The following RHBDD1 variants were observed in gnomAD, a reference collection of about 807,000 sequenced individuals.
The protein encoded by RHBDD1 is rhomboid domain containing 1.
RHBDD1 carries 38 observed loss-of-function variants against 36.3 expected under a neutral mutation model. The ratio of observed to expected loss-of-function variants is 1.05; its 90% CI spans 0.81 to 1.37. The LOEUF is 1.37. RHBDD1 is among the 40% of genes most tolerant of loss of function. The pLI is 0.00. For missense variants in RHBDD1, 393 were observed against 377.6 expected (o/e 1.04, Z -0.34); for synonymous variants, 151 against 136.5 (o/e 1.11, Z -0.74).
chr2:226,909,738 C>G (rs1392107182), intron 7 of RHBDD1, among the ~76,000 whole-genome samples: 1 of 151,982 alleles, frequency 6.6e-6, no homozygotes, highest in Admixed American at 6.6e-5. Flanking sequence ...AGGGTCGTCA[C>G]CAGAACTGAC....
chr2:226,802,182 A>G, the RHBDD1 span, among the ~76,000 whole-genome samples: 2 of 152,198 alleles, frequency 1.3e-5, no homozygotes, highest in Non-Finnish European at 2.9e-5. Context: ...TATGATAATA[A>G]ACCTTTTAAA....
At chr2:226,946,691 T>A (rs1381542493) in intron 8 of RHBDD1, among the ~76,000 whole-genome samples, 1 of 152,116 alleles carries the variant, frequency 6.6e-6, no homozygotes, top group Non-Finnish European at 1.5e-5. Context: ...CAGACTACTA[T>A]CAGAAACTAC....
intron 5 of RHBDD1, among the ~76,000 whole-genome samples, chr2:226,888,808 AT>A (rs1199853870): frequency 3.9e-5 from 6 of 152,148 alleles, no homozygotes; most frequent in Non-Finnish European, 7.4e-5. Flanking sequence ...TCAATCAGGT[AT>A]TTTACATGAA....
At chr2:226,886,575 A>G (rs997801425) in intron 5 of RHBDD1, among the ~76,000 whole-genome samples, 2 of 152,208 alleles carry the variant, frequency 1.3e-5, no homozygotes, top group African/African-American at 2.4e-5. Flanking sequence ...CACAAAGATG[A>G]CAAGATTAGG....
intron 3 of RHBDD1, among the ~76,000 whole-genome samples, chr2:226,849,325 C>G (rs566364192): frequency 7.9e-4 from 120 of 152,368 alleles, no homozygotes; most frequent in African/African-American, 2.8e-3. Flanking sequence ...TCCCTGGTGA[C>G]ATCCTACTGG....
At position 226,995,784 on chromosome 2, in the gene RHBDD1, T is replaced by A. The variant is rs1349269724; in HGVS notation, c.*262T>A. The A allele has an allele frequency of 2.1e-6, 1 of 474,554 alleles. No individual in the cohort carries two copies. The highest frequency in any genetic ancestry group is 3.7e-6 in the Non-Finnish European group (1 of 269,546). The allele number at this position is 474,554 out of a possible 1,614,324, so 29.4% of individuals were successfully genotyped here. ...GAAGAGACCAGTTTCCACGCTCCCA[T>A]CTCTCACTGCTGACTCAGCGATGCC... On this transcript the variant is annotated 3_prime_UTR_variant, in exon 9 of 9. Coordinates refer to ENST00000392062, the MANE Select transcript of RHBDD1 (RefSeq NM_001167608.3).
intron 8 of RHBDD1, among the ~76,000 whole-genome samples, chr2:226,942,238 C>T (rs1950706931): frequency 7.5e-6 from 1 of 133,744 alleles, no homozygotes; most frequent in African/African-American, 2.9e-5. Flanking sequence ...CTGTCGTGAT[C>T]ATCTTTTTTT....
chr2:226,974,859 C>T lies in RHBDD1; in HGVS notation c.857-20572C>T, dbSNP rs114210972. ...AGATCACTCTTTTCAGGTACCTCGC[C>T]AGTGCGTGGCTCAGGGACATCCTGG... On this transcript the variant is annotated intron_variant, in intron 8 of 8. Coordinates refer to ENST00000392062, the MANE Select transcript of RHBDD1 (RefSeq NM_001167608.3). Among the ~76,000 whole-genome samples, 226 of 152,250 alleles carry T rather than the reference C, an allele frequency of 1.5e-3. 1 individual carries two copies. The highest frequency in any genetic ancestry group is 6.8e-3 in the Middle Eastern group (2 of 294).
intron 8 of RHBDD1, among the ~76,000 whole-genome samples, chr2:226,914,861 A>G (rs1200024505): frequency 6.6e-6 from 1 of 152,164 alleles, no homozygotes; most frequent in Non-Finnish European, 1.5e-5. Context: ...AGATTCTTTT[A>G]TAAACCGATA....
intron 4 of RHBDD1, among the ~76,000 whole-genome samples, chr2:226,866,397 T>C (rs569589147): frequency 6.6e-6 from 1 of 152,238 alleles, no homozygotes; most frequent in South Asian, 2.1e-4. Flanking sequence ...TTTTTATTTG[T>C]AGTTTTTTTT....
intron 5 of RHBDD1, among the ~76,000 whole-genome samples, chr2:226,875,417 TG>T (rs1553552055): frequency 2.0e-5 from 3 of 152,190 alleles, no homozygotes; most frequent in Non-Finnish European, 4.4e-5. Flanking sequence ...TAAAAGAGAA[TG>T]TTTATTCCCT....
chr2:226,805,372 C>T, the RHBDD1 span, among the ~76,000 whole-genome samples: 1 of 152,154 alleles, frequency 6.6e-6, no homozygotes. Flanking sequence ...CCTACCACGC[C>T]CAGGTAATTT....
At position 226,836,384 on chromosome 2, in the gene RHBDD1, G is replaced by A. The variant is rs565491973; in HGVS notation, c.-392+297G>A. 3.3e-5 allele frequency among the ~76,000 whole-genome samples: 5 copies of A among 152,372 alleles called. No homozygotes were observed. In the South Asian group the frequency reaches 1.0e-3, roughly 32 times the overall value. ...ACGACGTGCCCACACTCGGAGGAAG[G>A]GGTTGGCGCTGAGCGAGTTTAAAGG... On this transcript the variant is annotated intron_variant, in intron 1 of 8. Transcript: ENST00000392062.
chr2:226,886,355 G>A (rs1296241835), intron 5 of RHBDD1, among the ~76,000 whole-genome samples: 2 of 152,190 alleles, frequency 1.3e-5, no homozygotes, highest in African/African-American at 4.8e-5. Flanking sequence ...CTGAGTTAGG[G>A]ACCCAAGTCC....
chr2:226,832,930 G>C (rs897080475), upstream of RHBDD1, among the ~76,000 whole-genome samples: 1 of 152,104 alleles, frequency 6.6e-6, no homozygotes, highest in Non-Finnish European at 1.5e-5. Flanking sequence ...AGAATTGCTT[G>C]AACCCGGGAG....
chr2:226,869,892 C>T (rs762729110), intron 5 of RHBDD1, among the ~76,000 whole-genome samples: 1 of 152,166 alleles, frequency 6.6e-6, no homozygotes, highest in Non-Finnish European at 1.5e-5. Context: ...ACCTCTGGTG[C>T]CTCCTTCCTA....
intron 8 of RHBDD1, among the ~76,000 whole-genome samples, chr2:226,969,475 T>C (rs1022234210): frequency 1.1e-4 from 17 of 150,414 alleles, no homozygotes; most frequent in African/African-American, 4.2e-4. Flanking sequence ...TCATTTATTA[T>C]AAATGTGTTG....
chr2:226,884,608 G>C (rs937588313), intron 5 of RHBDD1, among the ~76,000 whole-genome samples: 28 of 152,210 alleles, frequency 1.8e-4, no homozygotes, highest in African/African-American at 6.3e-4. Flanking sequence ...TATTGCCATA[G>C]TTTCTGGATT....
chr2:226,978,621 A>G (rs1308838682), intron 8 of RHBDD1, among the ~76,000 whole-genome samples: 5 of 152,234 alleles, frequency 3.3e-5, no homozygotes, highest in African/African-American at 9.6e-5. Context: ...GAATGTGGAC[A>G]TAAACCCTCA....
Sources: allele counts gnomAD v4.1 joint callset (sites outside exome capture counted in the v4.1 genomes callset), GRCh38; gene constraint gnomAD v4.1.1; transcripts MANE v1.5; gene names NCBI Gene and HGNC (gene_info 2026-07-23, HGNC 2026-07-21).